CDH13: variants seen among roughly 807,000 people sequenced by gnomAD.
CDH13 encodes the protein cadherin-13.
Under a neutral mutation model 63.8 loss-of-function variants are expected in CDH13, and 24 were observed. The observed-to-expected ratio is 0.38, with a 90% CI of 0.27 to 0.53. The LOEUF is 0.53. Among genes scored for constraint, CDH13 ranks in the 20% least tolerant of loss-of-function variants. The pLI, the probability that CDH13 is intolerant of heterozygous loss-of-function variation, is 0.85. For missense variants in CDH13, 1,049 were observed against 903.1 expected (o/e 1.16, Z -2.07); for synonymous variants, 503 against 355.3 (o/e 1.42, Z -4.67).
chr16:83,037,058 C>G (rs1916926909), intron 3 of CDH13, among the ~76,000 whole-genome samples: 2 of 152,200 alleles, frequency 1.3e-5, no homozygotes, highest in Non-Finnish European at 1.5e-5. Flanking sequence ...AGCAGAGAAA[C>G]AGGCAGGATA....
chr16:82,835,105 A>G (rs1269143000), intron 1 of CDH13, among the ~76,000 whole-genome samples: 1 of 152,242 alleles, frequency 6.6e-6, no homozygotes, highest in Non-Finnish European at 1.5e-5. Context: ...TTCAAGTAGT[A>G]TCCCTGCAAC....
rs1033580008 is a variant in CDH13, at chr16:83,095,766, G to A, written c.367-29619G>A. Among the ~76,000 whole-genome samples, 3 of 152,134 alleles carry A rather than the reference G, an allele frequency of 2.0e-5. No individual in the cohort carries two copies. In the East Asian group the frequency reaches 5.8e-4, roughly 29 times the overall value. ...TCATGAAGTTTTTAATGAGCAGTAT[G>A]TTTTGCCTAAGACTCTATGATTCTC... On this transcript the variant is annotated intron_variant, in intron 3 of 13. Coordinates refer to ENST00000567109, the MANE Select transcript of CDH13 (RefSeq NM_001257.5).
In CDH13 at chr16:82,842,425, A is replaced by G. The variant is rs372812311; in HGVS notation, c.46-15937A>G. Among the ~76,000 whole-genome samples the G allele has an allele frequency of 6.3e-4, 95 of 151,848 alleles. No individual in the cohort carries two copies. In the East Asian group the frequency reaches 0.011, roughly 17 times the overall value. ...CCTATCCTCATTTGTAGTTCTTCAC[A>G]CTGTACCACTCTTTATTTGTTTAAA... On this transcript the variant is annotated intron_variant, in intron 1 of 13. Coordinates refer to ENST00000567109, the MANE Select transcript of CDH13 (RefSeq NM_001257.5).
intron 7 of CDH13, among the ~76,000 whole-genome samples, chr16:83,541,694 C>A (rs769343812): frequency 6.6e-6 from 1 of 152,182 alleles, no homozygotes; most frequent in African/African-American, 2.4e-5. Context: ...AGACATTGAG[C>A]AAAGTGGAAG....
intron 7 of CDH13, among the ~76,000 whole-genome samples, chr16:83,584,284 G>A (rs369035199): frequency 5.9e-5 from 9 of 152,294 alleles, no homozygotes; most frequent in Middle Eastern, 6.8e-3. Context: ...AGCTGAGATC[G>A]TGCCACTGCA....
At chr16:82,645,818 G>A (rs1232659184) in intron 1 of CDH13, among the ~76,000 whole-genome samples, 1 of 152,186 alleles carries the variant, frequency 6.6e-6, no homozygotes, top group African/African-American at 2.4e-5. Flanking sequence ...AATTTATGAA[G>A]AAACCAGTAA....
In CDH13 at chr16:83,121,804, C is replaced by T. The variant is rs115113525; in HGVS notation, c.367-3581C>T. ...AAGGGATATGTGCATTCATAAAGCTCTCGATAAATGAATATTGCCTGATTA... is the reference window on the plus strand; with the variant it reads ...AAGGGATATGTGCATTCATAAAGCTTTCGATAAATGAATATTGCCTGATTA... On this transcript the variant is annotated intron_variant, in intron 3 of 13. Coordinates refer to ENST00000567109, the MANE Select transcript of CDH13 (RefSeq NM_001257.5). 9.1e-3 allele frequency among the ~76,000 whole-genome samples: 1,384 copies of T among 152,270 alleles called. 21 individuals carry two copies. Among genetic ancestry groups the T allele is most frequent in the African/African-American group, 0.032 (1,312 of 41,534 alleles).
chr16:83,657,265 T>G (rs1167466070), intron 8 of CDH13, among the ~76,000 whole-genome samples: 1 of 152,212 alleles, frequency 6.6e-6, no homozygotes, highest in Non-Finnish European at 1.5e-5. Context: ...ATTGCTACAT[T>G]GTTCCTGAGC....
chr16:83,413,261 G>GC (rs2092153634), intron 6 of CDH13, among the ~76,000 whole-genome samples: 2 of 152,000 alleles, frequency 1.3e-5, no homozygotes, highest in African/African-American at 4.8e-5. Context: ...TCCATCTACA[G>GC]GTCTCCCATA....
At chr16:83,767,771 C>CA (rs1374359814) in intron 11 of CDH13, among the ~76,000 whole-genome samples, 2 of 152,246 alleles carry the variant, frequency 1.3e-5, no homozygotes, top group African/African-American at 4.8e-5. Context: ...TATATGACTC[C>CA]ATTTATATTA....
chr16:83,380,629 G>A (rs1053550827), intron 6 of CDH13, among the ~76,000 whole-genome samples: 12 of 152,160 alleles, frequency 7.9e-5, no homozygotes, highest in African/African-American at 1.9e-4. Context: ...TTCTCAGCAC[G>A]TAGATTCTGC....
intron 10 of CDH13, chr16:83,728,967 C>A: frequency 6.5e-6 from 1 of 153,080 alleles, no homozygotes; most frequent in South Asian, 1.9e-4. Flanking sequence ...CTTGCTGTGT[C>A]CTCATGTAGC....
At chr16:83,319,697 C>T (rs1023593220) in intron 5 of CDH13, among the ~76,000 whole-genome samples, 2 of 152,002 alleles carry the variant, frequency 1.3e-5, no homozygotes, top group Non-Finnish European at 1.5e-5. Flanking sequence ...AAAGTTGTGA[C>T]AGGAACGGAG....
chr16:83,163,878 C>T (rs1294942362), intron 4 of CDH13, among the ~76,000 whole-genome samples: 1 of 152,084 alleles, frequency 6.6e-6, no homozygotes. Flanking sequence ...CCTAACCCAT[C>T]CTAACCAATA....
chr16:82,736,963 A>G (rs2033705217), intron 1 of CDH13, among the ~76,000 whole-genome samples: 1 of 152,064 alleles, frequency 6.6e-6, no homozygotes, highest in Non-Finnish European at 1.5e-5. Context: ...CCCTCTGAAT[A>G]TTCCTTTTCT....
chr16:82,727,748 T>C (rs2033178432), intron 1 of CDH13: 1 of 152,208 alleles, frequency 6.6e-6, no homozygotes, highest in Non-Finnish European at 1.5e-5. Context: ...CATGTTACTA[T>C]GTGATCAGTT....
intron 3 of CDH13, among the ~76,000 whole-genome samples, chr16:83,034,908 C>T (rs1056081195): frequency 1.3e-5 from 2 of 152,056 alleles, no homozygotes; most frequent in African/African-American, 4.8e-5. Context: ...TACGCATTTT[C>T]GACAAAACTT....
At chr16:83,087,142 T>A (rs1452994695) in intron 3 of CDH13, among the ~76,000 whole-genome samples, 2 of 152,120 alleles carry the variant, frequency 1.3e-5, no homozygotes, top group African/African-American at 4.8e-5. Flanking sequence ...GCACAATTAA[T>A]CCTGATGAAA....
intron 3 of CDH13, among the ~76,000 whole-genome samples, chr16:83,100,746 C>T (rs765711007): frequency 2.0e-5 from 3 of 152,210 alleles, no homozygotes; most frequent in African/African-American, 7.2e-5. Context: ...ACCATATGTT[C>T]GTGCAAGTTA....
Sources: allele counts gnomAD v4.1 joint callset (sites outside exome capture counted in the v4.1 genomes callset), GRCh38; gene constraint gnomAD v4.1.1; transcripts MANE v1.5; gene names NCBI Gene and HGNC (gene_info 2026-07-23, HGNC 2026-07-21).